Variants in NELL1 observed in about 807,000 individuals in gnomAD.
NELL1 encodes the protein protein kinase C-binding protein NELL1.
NELL1 carries 76 observed loss-of-function variants against 107.4 expected under a neutral mutation model. The ratio of observed to expected loss-of-function variants is 0.71; its 90% CI spans 0.59 to 0.86. The LOEUF (loss-of-function observed/expected upper bound fraction) is 0.86. Ranked by LOEUF, NELL1 falls within the 40% of genes least tolerant of loss-of-function variation. NELL1 has a pLI of 0.00. For missense variants in NELL1, 1,024 were observed against 1,005.5 expected (o/e 1.02, Z -0.25); for synonymous variants, 353 against 341.2 (o/e 1.03, Z -0.38).
intron 15 of NELL1, among the ~76,000 whole-genome samples, chr11:21,372,775 T>C (rs1851385347): frequency 6.6e-6 from 1 of 152,036 alleles, no homozygotes. Context: ...TTTTTTACAT[T>C]AGAAATAACT....
intron 13 of NELL1, among the ~76,000 whole-genome samples, chr11:21,173,029 C>T (rs1856639510): frequency 6.6e-6 from 1 of 151,626 alleles, no homozygotes. Flanking sequence ...TTGAGTTGCT[C>T]TATTAATATA....
rs1564950028 is a variant in NELL1, at chr11:20,885,454, CGT to C, written c.521_522del (p.Val174AspfsTer58). On this transcript the variant is annotated frameshift_variant, in exon 5 of 20. Coordinates refer to ENST00000357134, the MANE Select transcript of NELL1 (RefSeq NM_006157.5). LOFTEE classifies it high-confidence loss of function. ...TCTTTGCCTTTACAGGATTTATGAG[CGT>C]GTGATAGACCCTCCAGATACCAACC... ...LHVDCNRIYERVIDPPDTNLP... is the reference protein window; with the variant it reads ...LHVDCNRIYEXVIDPPDTNLP... The C allele has an allele frequency of 6.2e-7, 1 of 1,608,358 alleles. No homozygotes were observed. Among genetic ancestry groups the C allele is most frequent in the Non-Finnish European group, 8.5e-7 (1 of 1,174,820 alleles).
intron 13 of NELL1, among the ~76,000 whole-genome samples, chr11:21,133,355 C>T (rs139609160): frequency 1.2e-4 from 18 of 152,288 alleles, no homozygotes; most frequent in African/African-American, 4.1e-4. Context: ...ACTGACAGCC[C>T]AGCCCCCAGG....
intron 13 of NELL1, among the ~76,000 whole-genome samples, chr11:21,128,067 A>G (rs865855033): frequency 2.0e-5 from 3 of 152,270 alleles, no homozygotes; most frequent in African/African-American, 7.2e-5. Flanking sequence ...GGGACTATGC[A>G]TGCTTACGGA....
intron 13 of NELL1, among the ~76,000 whole-genome samples, chr11:21,203,408 C>G (rs1235133233): frequency 2.1e-5 from 3 of 143,442 alleles, no homozygotes; most frequent in African/African-American, 7.5e-5. Flanking sequence ...TCTTTGTTAT[C>G]CGTCTAGAAT....
At chr11:20,970,369 T>C (rs1417311466) in intron 12 of NELL1, among the ~76,000 whole-genome samples, 1 of 152,194 alleles carries the variant, frequency 6.6e-6, no homozygotes, top group Non-Finnish European at 1.5e-5. Context: ...CCATCTATTG[T>C]GGCTGGGTCT....
intron 2 of NELL1, among the ~76,000 whole-genome samples, chr11:20,758,035 C>A (rs1051674900): frequency 2.0e-5 from 3 of 152,114 alleles, no homozygotes; most frequent in African/African-American, 7.2e-5. Context: ...GAGAGAGGGG[C>A]CAAGCTCCCT....
chr11:21,127,099 A>G (rs1855503164), intron 13 of NELL1, among the ~76,000 whole-genome samples: 1 of 152,186 alleles, frequency 6.6e-6, no homozygotes, highest in Non-Finnish European at 1.5e-5. Flanking sequence ...GTCATAGGAC[A>G]AATTGTTTTC....
At chr11:20,807,069 G>A (rs891251622) in intron 3 of NELL1, among the ~76,000 whole-genome samples, 1 of 139,832 alleles carries the variant, frequency 7.2e-6, no homozygotes, top group Non-Finnish European at 1.6e-5. Flanking sequence ...TTTTTTTTTT[G>A]TTGGGGTCAT....
intron 12 of NELL1, among the ~76,000 whole-genome samples, chr11:21,023,650 G>T (rs1275797991): frequency 6.6e-6 from 1 of 151,876 alleles, no homozygotes; most frequent in Non-Finnish European, 1.5e-5. Flanking sequence ...ACAACTTCCT[G>T]CATGTCTTAC....
chr11:21,224,165 TG>T (rs1011900609), intron 13 of NELL1, among the ~76,000 whole-genome samples: 8 of 152,156 alleles, frequency 5.3e-5, no homozygotes, highest in African/African-American at 1.7e-4. Context: ...TACATTTATT[TG>T]GGGGCTTTTA....
chr11:21,384,512 G>T (rs569605082), intron 15 of NELL1, among the ~76,000 whole-genome samples: 2,682 of 151,668 alleles, frequency 0.018, 81 homozygotes, highest in African/African-American at 0.061. Context: ...TAGTTACATA[G>T]GTATACATGT....
chr11:21,302,931 C>T (rs905519314), intron 14 of NELL1, among the ~76,000 whole-genome samples: 1 of 151,774 alleles, frequency 6.6e-6, no homozygotes, highest in Non-Finnish European at 1.5e-5. Flanking sequence ...CATGGCAGCA[C>T]ATGCCTGTGG....
chr11:20,953,459 C>A (rs1159286715), intron 11 of NELL1, among the ~76,000 whole-genome samples: 1 of 152,106 alleles, frequency 6.6e-6, no homozygotes, highest in Non-Finnish European at 1.5e-5. Context: ...CTATAAACAA[C>A]ATAAAGTGGG....
intron 3 of NELL1, among the ~76,000 whole-genome samples, chr11:20,840,759 A>C (rs897740367): frequency 6.6e-6 from 1 of 152,262 alleles, no homozygotes; most frequent in African/African-American, 2.4e-5. Flanking sequence ...TCCAGGTTCA[A>C]GGGGAGGAGA....
chr11:21,413,660 C>T (rs1207335396), intron 15 of NELL1, among the ~76,000 whole-genome samples: 1 of 152,036 alleles, frequency 6.6e-6, no homozygotes, highest in East Asian at 1.9e-4. Flanking sequence ...GTTTGCACAC[C>T]TGTTCCAAGG....
In NELL1 at chr11:20,960,519, G is replaced by C. The variant is rs778444442; in HGVS notation, c.1259G>C (p.Ser420Thr). The C allele has an allele frequency of 1.9e-5, 31 of 1,613,882 alleles. No homozygotes were observed. The African/African-American group carries it at 3.7e-4, about 19-fold the overall frequency. ...WNTKATCECKSGYISVQGDSA... is the reference protein window; with the variant it reads ...WNTKATCECKTGYISVQGDSA... ...ACAAAAGCTACTTGTGAGTGCAAGA[G>C]TGGTTACATCTCTGTCCAGGGAGAC... Residue 420 changes from serine to threonine, a missense_variant, in exon 12 of 20, where the codon AGT (serine) becomes ACT (threonine). Transcript: ENST00000357134.
intron 14 of NELL1, among the ~76,000 whole-genome samples, chr11:21,233,782 A>G (rs1858126273): frequency 6.6e-6 from 1 of 152,234 alleles, no homozygotes; most frequent in Non-Finnish European, 1.5e-5. Context: ...TTCACTAGGC[A>G]GTTGTCAATA....
chr11:20,864,469 C>G (rs1306644785), intron 4 of NELL1, among the ~76,000 whole-genome samples: 1 of 152,232 alleles, frequency 6.6e-6, no homozygotes, highest in Non-Finnish European at 1.5e-5. Context: ...CATTTTGATA[C>G]ATGGCTGTTC....
Sources: gnomAD v4.1 joint callset for allele counts (sites outside exome capture counted in the v4.1 genomes callset) on GRCh38, gnomAD v4.1.1 for gene constraint, MANE v1.5 for transcripts, NCBI Gene and HGNC (gene_info 2026-07-23, HGNC 2026-07-21) for gene names.